Variants in CSMD3 observed in about 807,000 individuals in gnomAD.
CSMD3 encodes CUB and Sushi multiple domains 3, also known as CUB and sushi domain-containing protein 3.
CSMD3 carries 177 observed loss-of-function variants against 435.2 expected under a neutral mutation model. The observed-to-expected ratio is 0.41, with a 90% confidence interval of 0.36 to 0.46. The LOEUF (loss-of-function observed/expected upper bound fraction) is 0.46, where lower values mean the gene tolerates loss of function less well. Among genes scored for constraint, CSMD3 ranks in the 20% least tolerant of loss-of-function variants. The pLI, the probability that CSMD3 is intolerant of heterozygous loss-of-function variation, is 0.34. For synonymous variants in CSMD3, 1,656 were observed against 1,520.5 expected (o/e 1.09, Z -2.07); for missense variants, 4,265 against 4,504.6 (o/e 0.95, Z 1.52).
At chr8:112,968,599 CA>C (rs2084516541) in intron 7 of CSMD3, among the ~76,000 whole-genome samples, 1 of 151,932 alleles carries the variant, frequency 6.6e-6, no homozygotes, top group African/African-American at 2.4e-5. Context: ...AACAACATAT[CA>C]AGCATTTCAA....
Position 113,386,837 on chromosome 8 carries a change from T to C in CSMD3, c.178+49840A>G, listed in dbSNP as rs868657941. On this transcript the variant is annotated intron_variant, in intron 1 of 70. Coordinates refer to ENST00000297405, the MANE Select transcript of CSMD3 (RefSeq NM_198123.2). ...CAAAAATTTCATTGCAAACTATTAC[T>C]TCAAATGTTTCTCAAGCACACTAAA... Among the ~76,000 whole-genome samples, 4 of 152,030 alleles carry C rather than the reference T, an allele frequency of 2.6e-5. No individual in the cohort carries two copies. In the Middle Eastern group the frequency reaches 0.01, roughly 388 times the overall value.
intron 13 of CSMD3, among the ~76,000 whole-genome samples, chr8:112,734,898 C>G (rs987701982): frequency 6.6e-6 from 1 of 151,884 alleles, no homozygotes; most frequent in African/African-American, 2.4e-5. Context: ...ACTCATTTTT[C>G]TGTACTTTTT....
chr8:113,284,102 C>T (rs191110275), intron 2 of CSMD3, among the ~76,000 whole-genome samples: 11 of 151,774 alleles, frequency 7.2e-5, no homozygotes, highest in South Asian at 4.2e-4. Context: ...GAGGTGGGCA[C>T]GGGATAAAAG....
intron 13 of CSMD3, among the ~76,000 whole-genome samples, chr8:112,764,675 C>T (rs554165143): frequency 6.6e-6 from 1 of 151,504 alleles, no homozygotes; most frequent in Admixed American, 6.6e-5. Context: ...ATATAACTTA[C>T]TATATACATA....
chr8:113,383,387 A>G (rs1029606372), intron 1 of CSMD3, among the ~76,000 whole-genome samples: 2 of 152,236 alleles, frequency 1.3e-5, no homozygotes, highest in Non-Finnish European at 2.9e-5. Flanking sequence ...TTCTACTAAC[A>G]TAGTCCTTAT....
At chr8:112,436,779 TA>T (rs1323734225) in intron 32 of CSMD3, among the ~76,000 whole-genome samples, 1 of 152,048 alleles carries the variant, frequency 6.6e-6, no homozygotes, top group Non-Finnish European at 1.5e-5. Context: ...ATATAAATTT[TA>T]TGTTAGCGTA....
At chr8:113,210,214 G>A (rs1194608041) in intron 3 of CSMD3, among the ~76,000 whole-genome samples, 1 of 151,948 alleles carries the variant, frequency 6.6e-6, no homozygotes, top group East Asian at 1.9e-4. Context: ...TTTTACACCT[G>A]ATTTCCTAAA....
chr8:112,747,169 G>A, intron 13 of CSMD3, among the ~76,000 whole-genome samples: 1 of 28,480 alleles, frequency 3.5e-5, no homozygotes. Context: ...ATGATTATTT[G>A]TCTGCACACT....
chr8:113,237,789 G>A (rs1312495904), intron 3 of CSMD3, among the ~76,000 whole-genome samples: 1 of 152,074 alleles, frequency 6.6e-6, no homozygotes, highest in Non-Finnish European at 1.5e-5. Flanking sequence ...ATCAAAGGGA[G>A]TTCTGGGCCG....
At chr8:112,803,776 C>T (rs1178325092) in intron 12 of CSMD3, among the ~76,000 whole-genome samples, 1 of 152,162 alleles carries the variant, frequency 6.6e-6, no homozygotes, top group East Asian at 1.9e-4. Context: ...GCTGATATAT[C>T]TCAAATAAAA....
At chr8:113,359,536 T>G (rs1234651338) in intron 1 of CSMD3, among the ~76,000 whole-genome samples, 2 of 152,162 alleles carry the variant, frequency 1.3e-5, no homozygotes, top group Non-Finnish European at 2.9e-5. Flanking sequence ...CAGCTACAGC[T>G]TCAGCTCATG....
intron 1 of CSMD3, among the ~76,000 whole-genome samples, chr8:113,324,469 A>T (rs1383739015): frequency 4.6e-5 from 7 of 152,186 alleles, no homozygotes; most frequent in Admixed American, 4.6e-4. Flanking sequence ...GGAAGCTCCA[A>T]GCCTTGGCAG....
chr8:112,341,363 G>GTTTTTTTTTT, intron 42 of CSMD3, 114 bp downstream of exon 42: 2 of 670,396 alleles, frequency 3.0e-6, no homozygotes, highest in Non-Finnish European at 4.8e-6. Flanking sequence ...CTTGGCTTAA[G>GTTTTTTTTTT]TTTTTTTTTT....
intron 1 of CSMD3, among the ~76,000 whole-genome samples, chr8:113,356,703 G>A (rs1327792698): frequency 2.6e-5 from 4 of 152,002 alleles, no homozygotes; most frequent in African/African-American, 2.4e-5. Flanking sequence ...AGGGTACTAC[G>A]TTTTATTCTA....
At chr8:112,350,980 T>TA (rs1826087296) in intron 40 of CSMD3, among the ~76,000 whole-genome samples, 195 bp downstream of exon 40, 1 of 151,914 alleles carries the variant, frequency 6.6e-6, no homozygotes, top group Non-Finnish European at 1.5e-5. Flanking sequence ...AAATTTTAAA[T>TA]TAAAAAAAAG....
intron 5 of CSMD3, among the ~76,000 whole-genome samples, chr8:113,040,244 A>G (rs915602329): frequency 6.6e-6 from 1 of 152,210 alleles, no homozygotes; most frequent in African/African-American, 2.4e-5. Context: ...TGTCCAAGAA[A>G]GACAGTGGTT....
At chr8:113,382,307 A>G (rs927520383) in intron 1 of CSMD3, among the ~76,000 whole-genome samples, 1 of 152,204 alleles carries the variant, frequency 6.6e-6, no homozygotes, top group Non-Finnish European at 1.5e-5. Flanking sequence ...TTAAAACTTG[A>G]TAATCAAAAA....
intron 22 of CSMD3, among the ~76,000 whole-genome samples, chr8:112,593,588 G>A (rs1393702471): frequency 6.6e-6 from 1 of 152,080 alleles, no homozygotes; most frequent in Non-Finnish European, 1.5e-5. Context: ...TAAAGCCACA[G>A]ACAAAAAGGT....
chr8:112,740,480 A>G (rs1039613794), intron 13 of CSMD3, among the ~76,000 whole-genome samples: 3 of 151,848 alleles, frequency 2.0e-5, no homozygotes, highest in South Asian at 2.1e-4. Flanking sequence ...TGAGTAAAAT[A>G]TAATTTCCAC....
Sources: allele counts gnomAD v4.1 joint callset (sites outside exome capture counted in the v4.1 genomes callset), GRCh38; gene constraint gnomAD v4.1.1; transcripts MANE v1.5; gene names NCBI Gene and HGNC (gene_info 2026-07-23, HGNC 2026-07-21).